SIGIRR: variants seen among roughly 807,000 people sequenced by gnomAD.
The protein encoded by SIGIRR is single Ig and TIR domain containing, also known as single Ig IL-1-related receptor.
A neutral mutation model predicts 45.6 loss-of-function variants in SIGIRR; 41 were observed. The observed-to-expected ratio is 0.90, with a 90% CI of 0.70 to 1.17. The LOEUF (loss-of-function observed/expected upper bound fraction) is 1.17. Ranked by LOEUF, SIGIRR falls within the 50% of genes most tolerant of loss-of-function variation. The pLI, the probability that SIGIRR is intolerant of heterozygous loss-of-function variation, is 0.00. For missense variants in SIGIRR, 599 were observed against 539.6 expected, an observed-to-expected ratio of 1.11 and a Z score of -1.09; for synonymous variants, 298 against 239.0, an observed-to-expected ratio of 1.25 and a Z score of -2.28.
intron 1 of SIGIRR, 80 bp downstream of exon 1, chr11:414,743 T>G (rs1412845616): frequency 1.1e-6 from 1 of 912,366 alleles, no homozygotes; most frequent in Non-Finnish European, 1.3e-6. Context: ...CACACATGCA[T>G]ATGGGTCTTG....
At chr11:410,645 C>A (rs1590381410) in intron 1 of SIGIRR, among the ~76,000 whole-genome samples, 1 of 36,956 alleles carries the variant, frequency 2.7e-5, no homozygotes, top group African/African-American at 1.3e-4. Context: ...CCAGCTCTGA[C>A]CATGTCTGGA....
At chr11:408,353 C>T (rs941466757) in intron 3 of SIGIRR, 147 bp from the exon 4 acceptor site, 5 of 1,067,834 alleles carry the variant, frequency 4.7e-6, no homozygotes, top group Non-Finnish European at 6.7e-6. Flanking sequence ...TGACCTGAAC[C>T]TGGAGGGGAT....
At chr11:406,193 G>A (rs1847287555) in intron 9 of SIGIRR, 134 bp from the exon 10 acceptor site, 5 of 1,537,710 alleles carry the variant, frequency 3.3e-6, no homozygotes, top group Non-Finnish European at 3.5e-6. Flanking sequence ...CAGACCGAGG[G>A]CCGAGCACCT....
chr11:406,484 G>C lies in SIGIRR; in HGVS notation c.934C>G (p.Gln312Glu). The C allele has an allele frequency of 1.2e-6, 2 of 1,612,156 alleles. No homozygotes were observed. The highest frequency in any genetic ancestry group is 1.7e-6 in the Non-Finnish European group (2 of 1,179,512). Residue 312 changes from glutamine (Q) to glutamate (E), a missense_variant, in exon 9 of 10, where the codon CAG becomes GAG. Gln to Glu is a conservative substitution (Grantham distance 29). Coordinates refer to ENST00000431843, the MANE Select transcript of SIGIRR (RefSeq NM_001135054.2). ...EVQLALPRKV[Q>E]YRPVEGDPQT... ...GGGTCTCCTTCCACAGGCCTGTACT[G>C]CACCTTCCGCGGCAGCGCCAGCTGC...
At position 405,781 on chromosome 11, in the gene SIGIRR, G is replaced by GGCTGCTGGCAGGGTCCCAGT; in HGVS notation, c.*114_*115insACTGGGACCCTGCCAGCAGC. The GGCTGCTGGCAGGGTCCCAGT allele has an allele frequency of 1.5e-6, 2 of 1,332,612 alleles. No homozygotes were observed. The highest frequency in any genetic ancestry group is 2.0e-6 in the Non-Finnish European group (2 of 987,610). The allele number at this position is 1,332,612 out of a possible 1,614,324, so 82.5% of individuals were successfully genotyped here. On this transcript the variant is annotated 3_prime_UTR_variant, in exon 10 of 10. Coordinates refer to ENST00000431843, the MANE Select transcript of SIGIRR (RefSeq NM_001135054.2). ...CCCTGAGGCCACAGCCTTTTCCCAG[G>GGCTGCTGGCAGGGTCCCAGT]GCTGCTGGCAGGGTCCCAGGGCTGC...
upstream of SIGIRR, chr11:417,246 C>G (rs934533493): frequency 1.3e-5 from 2 of 152,246 alleles, no homozygotes; most frequent in African/African-American, 4.8e-5. The surrounding 1 kb of genome is among the most constrained non-coding windows in gnomAD (Gnocchi z 4.2). Context: ...CCCCGGGCCC[C>G]GACTCCAGGC....
upstream of SIGIRR, among the ~76,000 whole-genome samples, chr11:415,497 G>T (rs781493588): frequency 6.6e-6 from 1 of 152,124 alleles, no homozygotes; most frequent in Admixed American, 6.5e-5. The surrounding 1 kb of genome is among the most constrained non-coding windows in gnomAD (Gnocchi z 6.6). Context: ...GGGCCGGTTT[G>T]CTCCCCCATG....
chr11:410,621 G>GTGC (rs1847552893), intron 1 of SIGIRR, among the ~76,000 whole-genome samples: 1 of 32,222 alleles, frequency 3.1e-5, no homozygotes, highest in African/African-American at 1.5e-4. Context: ...GATGCAGTCG[G>GTGC]GGGGGGGGGG....
intron 1 of SIGIRR, among the ~76,000 whole-genome samples, chr11:412,565 G>C (rs575336213): frequency 6.5e-4 from 3 of 4,596 alleles, no homozygotes; most frequent in African/African-American, 2.0e-3. Context: ...ATACAGTCGG[G>C]GGGGGGTGCC....
chr11:409,987 C>T lies in SIGIRR; in HGVS notation c.-113G>A, dbSNP rs778668985. The T allele has an allele frequency of 1.4e-4, 173 of 1,248,064 alleles. No homozygotes were observed. Among genetic ancestry groups the T allele is most frequent in the Non-Finnish European group, 1.7e-4 (169 of 995,076 alleles). 77.3% of individuals were successfully genotyped at this position (1,248,064 alleles called of 1,614,324 possible). ...AGAGCTGGGCAGGACTCCTCTCTGT[C>T]CTTGCAGTCAGCTGGACAGGGCACC... On this transcript the variant is annotated 5_prime_UTR_variant, in exon 2 of 10. Transcript: ENST00000431843.
chr11:408,601 C>T, intron 3 of SIGIRR, 94 bp downstream of exon 3: 1 of 1,426,840 alleles, frequency 7.0e-7, no homozygotes, highest in Non-Finnish European at 9.8e-7. Flanking sequence ...ACATGTCTGG[C>T]CAGGTGGTTA....
At chr11:408,020 C>G in intron 4 of SIGIRR, 53 bp downstream of exon 4, 2 of 1,607,138 alleles carry the variant, frequency 1.2e-6, no homozygotes, top group Non-Finnish European at 1.7e-6. Context: ...GATCCCTGGG[C>G]CTCACTAGGT....
Position 407,370 on chromosome 11 carries a change from G to A in SIGIRR, c.625+55C>T, listed in dbSNP as rs186906730. 1.6e-3 allele frequency: 1,519 copies of A among 922,808 alleles called. 56 individuals are homozygous for A. In the African/African-American group the frequency reaches 0.031, roughly 19 times the overall value. 57.2% of individuals were successfully genotyped at this position (922,808 alleles called of 1,614,324 possible). On this transcript the variant is annotated intron_variant, in intron 6 of 9. Coordinates refer to ENST00000431843, the MANE Select transcript of SIGIRR (RefSeq NM_001135054.2). The stretch of plus-strand genomic sequence containing the variant: ...GGCCCCGGGTGGGACGGAGCATGGG[G>A]CGGGGCGGGGCGGGCCCTCCGGGTG...
At chr11:415,523 A>AC (rs1847858737), upstream of SIGIRR, among the ~76,000 whole-genome samples, 1 of 151,816 alleles carries the variant, frequency 6.6e-6, no homozygotes, top group Non-Finnish European at 1.5e-5. This position sits in a 1 kb window ranked among gnomAD's most constrained non-coding sequence, Gnocchi z 6.6. Context: ...TTGACCTCTG[A>AC]CCCCGGGGAA....
chr11:415,004 T>A, upstream of SIGIRR: 1 of 424,856 alleles, frequency 2.4e-6, no homozygotes, highest in Non-Finnish European at 3.1e-6. This position sits in a 1 kb window ranked among gnomAD's most constrained non-coding sequence, Gnocchi z 6.6. Flanking sequence ...ACTTTCCCTG[T>A]AGCTTCCTGG....
In SIGIRR at chr11:407,150, G is replaced by C. The variant is rs1442060355; in HGVS notation, c.640C>G (p.Leu214Val). 6 of 1,528,650 alleles carry C rather than the reference G, an allele frequency of 3.9e-6. No homozygotes were observed. The South Asian group carries it at 7.3e-5, about 19-fold the overall frequency. 94.7% of individuals were successfully genotyped at this position (1,528,650 alleles called of 1,614,324 possible). A position where few individuals can be genotyped will look rare whatever the true frequency, so the allele number is the denominator to read the frequency against. Reference sequence around the variant, plus strand: ...CGGCAGCGGCTCAGGTTCACCAAGAGGTCGGCGGAGGGCTCTGCGGGAGGG... The same window carrying C: ...CGGCAGCGGCTCAGGTTCACCAAGACGTCGGCGGAGGGCTCTGCGGGAGGG... ...LLPRAEPSAD[L>V]LVNLSRCRRL... The change falls in exon 7 of 10, where the codon CTC (leucine) becomes GTC (valine). Residue 214 changes from leucine to valine, a missense_variant. Coordinates refer to ENST00000431843, the MANE Select transcript of SIGIRR (RefSeq NM_001135054.2).
At chr11:406,209 G>A (rs764795433) in intron 9 of SIGIRR, 140 bp downstream of exon 9, 7 of 1,538,752 alleles carry the variant, frequency 4.5e-6, no homozygotes, top group Admixed American at 3.9e-5. Context: ...CACCTCCAGG[G>A]CAGAGGCCGT....
chr11:407,793 C>T (rs1456621838), intron 5 of SIGIRR, 24 bp downstream of exon 5: 28 of 1,611,798 alleles, frequency 1.7e-5, no homozygotes, highest in Non-Finnish European at 2.1e-5. Context: ...GACCCCTCCT[C>T]GCGCCCACGC....
chr11:408,493 G>C (rs1012404996), intron 3 of SIGIRR, among the ~76,000 whole-genome samples: 3 of 152,178 alleles, frequency 2.0e-5, no homozygotes, highest in Non-Finnish European at 4.4e-5. Context: ...GCCCTGGGCA[G>C]TTACGAGGTG....
Sources: gnomAD v4.1 joint callset for allele counts (sites outside exome capture counted in the v4.1 genomes callset) on GRCh38, gnomAD v4.1.1 for gene constraint, Gnocchi (gnomAD v3.1) non-coding constraint, MANE v1.5 for transcripts, NCBI Gene and HGNC (gene_info 2026-07-23, HGNC 2026-07-21) for gene names.